GRM7: variants seen among roughly 807,000 people sequenced by gnomAD.
GRM7 encodes the protein metabotropic glutamate receptor 7.
A neutral mutation model predicts 84.5 loss-of-function variants in GRM7; 35 were observed. That is an observed-to-expected ratio of 0.41 (90% confidence interval 0.32 to 0.55). The LOEUF (loss-of-function observed/expected upper bound fraction) is 0.55. Ranked by LOEUF, GRM7 falls within the 20% of genes least tolerant of loss-of-function variation. GRM7 has a pLI of 0.19. For synonymous variants in GRM7, 487 were observed against 455.1 expected, an observed-to-expected ratio of 1.07 and a Z score of -0.89; for missense variants, 1,003 against 1,194.6, an observed-to-expected ratio of 0.84 and a Z score of 2.36.
chr3:7,078,964 T>C (rs1698188025), intron 1 of GRM7, among the ~76,000 whole-genome samples: 1 of 152,088 alleles, frequency 6.6e-6, no homozygotes, highest in Non-Finnish European at 1.5e-5. Flanking sequence ...AATATCGTTT[T>C]TGAGAAAATT....
chr3:7,690,607 C>A (rs993016716), intron 9 of GRM7, among the ~76,000 whole-genome samples: 4 of 152,074 alleles, frequency 2.6e-5, no homozygotes, highest in Admixed American at 6.5e-5. Context: ...TAATTAATTT[C>A]TTTTCTTGTG....
chr3:7,225,009 G>C (rs1696937260), intron 2 of GRM7, among the ~76,000 whole-genome samples: 1 of 152,006 alleles, frequency 6.6e-6, no homozygotes, highest in South Asian at 2.1e-4. Flanking sequence ...TACAGCTCTA[G>C]TTTTATAGCT....
At chr3:7,406,996 G>A (rs1695709560) in intron 4 of GRM7, among the ~76,000 whole-genome samples, 1 of 152,182 alleles carries the variant, frequency 6.6e-6, no homozygotes, top group Admixed American at 6.5e-5. Context: ...TGTGGAAGGA[G>A]GAAGGGTAGA....
At chr3:7,502,377 A>G (rs1699909897) in intron 7 of GRM7, among the ~76,000 whole-genome samples, 1 of 152,160 alleles carries the variant, frequency 6.6e-6, no homozygotes, top group Non-Finnish European at 1.5e-5. Context: ...TTTCAATACC[A>G]GTTGAAAGTA....
chr3:6,986,438 C>A (rs1181170031), intron 1 of GRM7, among the ~76,000 whole-genome samples: 1 of 152,032 alleles, frequency 6.6e-6, no homozygotes, highest in African/African-American at 2.4e-5. Context: ...AATGAAAAAA[C>A]CTCATCTCCT....
At chr3:7,345,693 A>G (rs9855985) in intron 4 of GRM7, among the ~76,000 whole-genome samples, 58,118 of 151,888 alleles carry the variant, frequency 0.38, 11,306 homozygotes, top group South Asian at 0.45. Flanking sequence ...TCTGATTATA[A>G]TGTGCTTGGC....
intron 2 of GRM7, among the ~76,000 whole-genome samples, chr3:7,296,240 C>T (rs890316679): frequency 8.6e-5 from 13 of 151,978 alleles, no homozygotes; most frequent in African/African-American, 2.9e-4. Flanking sequence ...GAATAAAACC[C>T]ACTCAATCCT....
chr3:7,414,448 C>T (rs1696073563), intron 4 of GRM7, among the ~76,000 whole-genome samples: 1 of 152,126 alleles, frequency 6.6e-6, no homozygotes, highest in Non-Finnish European at 1.5e-5. Flanking sequence ...TCCACTCTGA[C>T]TCTCTTGCAA....
chr3:7,229,744 TATATATATA>T (rs1697111063), intron 2 of GRM7, among the ~76,000 whole-genome samples: 2 of 36,160 alleles, frequency 5.5e-5, no homozygotes, highest in African/African-American at 1.6e-4. Context: ...TATATATATA[TATATATATA>T]TATATATTTT....
At chr3:6,947,927 G>T (rs148406900) in intron 1 of GRM7, among the ~76,000 whole-genome samples, 10,060 of 151,802 alleles carry the variant, frequency 0.066, 473 homozygotes, top group African/African-American at 0.12. Context: ...TTATTGCATC[G>T]ATTTGATTCT....
At chr3:7,005,684 C>G (rs1306982922) in intron 1 of GRM7, among the ~76,000 whole-genome samples, 1 of 152,050 alleles carries the variant, frequency 6.6e-6, no homozygotes, top group Non-Finnish European at 1.5e-5. Flanking sequence ...TAGCAAGAAT[C>G]AAAATTTTAA....
At chr3:7,354,460 T>C (rs1315088390) in intron 4 of GRM7, among the ~76,000 whole-genome samples, 2 of 152,056 alleles carry the variant, frequency 1.3e-5, no homozygotes, top group East Asian at 1.9e-4. Context: ...AATCCCCACA[T>C]TGGTCACCTA....
rs1427930122 is a variant in GRM7, at chr3:7,708,254, A to G, written c.2698+27959A>G. ...CACGTGCTTTCATGTACTTTGTTAT[A>G]TAGAGTAAAGCCTAGTTTCCTTAAA... On this transcript the variant is annotated intron_variant, in intron 9 of 9. Transcript: ENST00000357716. 2.6e-5 allele frequency among the ~76,000 whole-genome samples: 4 copies of G among 151,686 alleles called. No homozygotes were observed. In the East Asian group the frequency reaches 7.7e-4, roughly 29 times the overall value.
At chr3:7,330,640 TG>T (rs1274081039) in intron 4 of GRM7, among the ~76,000 whole-genome samples, 3 of 152,208 alleles carry the variant, frequency 2.0e-5, no homozygotes, top group African/African-American at 7.2e-5. Flanking sequence ...CCCTTTCATT[TG>T]GCTGTCATTA....
intron 1 of GRM7, among the ~76,000 whole-genome samples, chr3:6,874,956 A>C (rs563173046): frequency 3.9e-4 from 59 of 152,192 alleles, no homozygotes; most frequent in Non-Finnish European, 7.6e-4. Context: ...TCTACACATG[A>C]CTCATCCACT....
intron 5 of GRM7, among the ~76,000 whole-genome samples, chr3:7,447,822 A>C (rs540987412): frequency 1.3e-5 from 2 of 151,690 alleles, no homozygotes; most frequent in Non-Finnish European, 2.9e-5. Flanking sequence ...ATATGTATAC[A>C]TGTGCCATGC....
At chr3:6,896,863 G>A (rs975794238) in intron 1 of GRM7, among the ~76,000 whole-genome samples, 1 of 152,096 alleles carries the variant, frequency 6.6e-6, no homozygotes, top group Non-Finnish European at 1.5e-5. Context: ...TCCTCACAAA[G>A]AGAATTTATT....
chr3:7,510,872 C>A (rs575394149), intron 7 of GRM7, among the ~76,000 whole-genome samples: 8 of 152,042 alleles, frequency 5.3e-5, no homozygotes, highest in African/African-American at 1.9e-4. Context: ...GCTGTGTTTG[C>A]GCGGCAGTGG....
intron 1 of GRM7, among the ~76,000 whole-genome samples, chr3:7,130,115 A>G (rs571309823): frequency 6.6e-6 from 1 of 152,300 alleles, no homozygotes; most frequent in African/African-American, 2.4e-5. Flanking sequence ...CTCGGTTAGC[A>G]CTAACATTCC....
Sources: allele counts gnomAD v4.1 joint callset (sites outside exome capture counted in the v4.1 genomes callset), GRCh38; gene constraint gnomAD v4.1.1; transcripts MANE v1.5; gene names NCBI Gene and HGNC (gene_info 2026-07-23, HGNC 2026-07-21).